GAD1: variants seen among roughly 807,000 people sequenced by gnomAD.
GAD1 encodes glutamate decarboxylase 1.
GAD1 carries 35 observed loss-of-function variants against 75.2 expected under a neutral mutation model. The observed-to-expected ratio is 0.47, with a 90% confidence interval of 0.36 to 0.62. The LOEUF (loss-of-function observed/expected upper bound fraction) is 0.62, where lower values mean the gene tolerates loss of function less well. Ranked by LOEUF, GAD1 falls within the 20% of genes least tolerant of loss-of-function variation. The pLI is 0.00. For missense variants in GAD1, 490 were observed against 758.5 expected (o/e 0.65, Z 4.16); for synonymous variants, 257 against 271.9 (o/e 0.95, Z 0.54).
intron 3 of GAD1, among the ~76,000 whole-genome samples, chr2:170,823,627 TA>T (rs1402118128): frequency 6.6e-6 from 1 of 151,946 alleles, no homozygotes; most frequent in Non-Finnish European, 1.5e-5. Flanking sequence ...CTTTGTTCTA[TA>T]AATAGCCCCG....
At chr2:170,831,233 C>A (rs1419591190) in intron 5 of GAD1, 41 bp downstream of exon 5, 1 of 1,607,788 alleles carries the variant, frequency 6.2e-7, no homozygotes, top group South Asian at 1.1e-5. Context: ...GGCAACTTTG[C>A]CCTCCATCTC....
intron 3 of GAD1, among the ~76,000 whole-genome samples, chr2:170,824,948 G>GTGTGTA (rs1553574269): frequency 6.6e-6 from 1 of 150,928 alleles, no homozygotes; most frequent in Non-Finnish European, 1.5e-5. Context: ...GTGTGTGTGT[G>GTGTGTA]TGTATGTATG....
chr2:170,841,373 C>T (rs1201873498), intron 6 of GAD1, among the ~76,000 whole-genome samples: 3 of 152,018 alleles, frequency 2.0e-5, no homozygotes, highest in Non-Finnish European at 4.4e-5. Flanking sequence ...CTACAGATTT[C>T]CTAGGATTCC....
At position 170,845,528 on chromosome 2, in the gene GAD1, C is replaced by G. The variant is rs774967412; in HGVS notation, c.774C>G (p.Tyr258Ter). The change falls in exon 8 of 17, where the codon TAC becomes TAG. Residue 258 changes from tyrosine to a stop codon, truncating the protein, a stop_gained. Coordinates refer to ENST00000358196, the MANE Select transcript of GAD1 (RefSeq NM_000817.3). LOFTEE classifies it high-confidence loss of function. ...CAGGGGGCGCCATATCCAACATGTA[C>G]AGCATCATGGCTGCTCGCTACAAGT... ...FSPGGAISNM[Y>*]SIMAARYKYF... is the part of the protein sequence containing the mutation. 1.2e-6 allele frequency: 2 copies of G among 1,613,884 alleles called. No individual in the cohort carries two copies.
chr2:170,856,590 G>T (rs2105813051), intron 14 of GAD1, among the ~76,000 whole-genome samples: 1 of 152,266 alleles, frequency 6.6e-6, no homozygotes, highest in South Asian at 2.1e-4. Context: ...AACATACAAA[G>T]AACAAGCCAC....
chr2:170,821,066 G>C (rs746099839), intron 2 of GAD1, among the ~76,000 whole-genome samples: 2 of 152,194 alleles, frequency 1.3e-5, no homozygotes, highest in Non-Finnish European at 2.9e-5. Flanking sequence ...TTGTGCCTCA[G>C]GTTTAATGGA....
intron 14 of GAD1, among the ~76,000 whole-genome samples, chr2:170,855,774 G>A (rs756197832): frequency 2.0e-5 from 3 of 149,718 alleles, no homozygotes; most frequent in Non-Finnish European, 4.4e-5. Context: ...TTAGGAGGCT[G>A]AGGTGGGAGG....
intron 5 of GAD1, among the ~76,000 whole-genome samples, chr2:170,832,660 GCGCGCACACACACACACA>G (rs1038764523): frequency 8.8e-5 from 7 of 79,476 alleles, no homozygotes; most frequent in South Asian, 3.3e-4. Flanking sequence ...ATGCGCGCGC[GCGCGCACACACACACACA>G]CACACACACA....
At chr2:170,828,179 C>A (rs1248740064) in intron 3 of GAD1, among the ~76,000 whole-genome samples, 4 of 77,856 alleles carry the variant, frequency 5.1e-5, no homozygotes, top group Admixed American at 1.2e-4. Flanking sequence ...TCGCCCTCCT[C>A]TCTCTGCTGT....
Position 170,818,539 on chromosome 2 carries a change from C to T in GAD1, c.-53C>T. ...CGCTTCTCTTTGCAGCCTGTTTCTG[C>T]GCCGGACCAGTCGAGGACTCTGGAC... On this transcript the variant is annotated 5_prime_UTR_variant, in exon 2 of 17. Transcript: ENST00000358196. This position sits in a 1 kb window ranked among gnomAD's most constrained non-coding sequence, Gnocchi z 5.9. The T allele has an allele frequency of 1.3e-6, 2 of 1,520,484 alleles. No individual in the cohort carries two copies. The highest frequency in any genetic ancestry group is 1.1e-5 in the South Asian group (1 of 89,240). The allele number at this position is 1,520,484 out of a possible 1,614,324, so 94.2% of individuals were successfully genotyped here.
intron 5 of GAD1, among the ~76,000 whole-genome samples, chr2:170,835,991 A>G (rs1370658183): frequency 2.6e-5 from 4 of 152,230 alleles, no homozygotes; most frequent in Non-Finnish European, 5.9e-5. Context: ...ATCTTCTGAT[A>G]TGAGAAGTCA....
chr2:170,827,555 G>A (rs988007591), intron 3 of GAD1, among the ~76,000 whole-genome samples: 2 of 152,194 alleles, frequency 1.3e-5, no homozygotes, highest in African/African-American at 2.4e-5. Flanking sequence ...CTCTTTCCCC[G>A]TTTGCTGCCG....
At chr2:170,831,396 A>T (rs529835605) in intron 5 of GAD1, among the ~76,000 whole-genome samples, 1 of 152,142 alleles carries the variant, frequency 6.6e-6, no homozygotes, top group Non-Finnish European at 1.5e-5. Flanking sequence ...TCATCAGCAT[A>T]TATCATGGTA....
Position 170,818,214 on chromosome 2 carries a change from T to C in GAD1, c.-63-315T>C. 1 of 323,456 alleles carries C rather than the reference T, an allele frequency of 3.1e-6. No individual in the cohort carries two copies. The highest frequency in any genetic ancestry group is 2.9e-5 in the South Asian group (1 of 34,094). 20.0% of individuals were successfully genotyped at this position (323,456 alleles called of 1,614,324 possible). A position where few individuals can be genotyped will look rare whatever the true frequency, so the allele number is the denominator to read the frequency against. On this transcript the variant is annotated intron_variant, in intron 1 of 16. Coordinates refer to ENST00000358196, the MANE Select transcript of GAD1 (RefSeq NM_000817.3). The surrounding 1 kb of genome is among the most constrained non-coding windows in gnomAD (Gnocchi z 5.9). Reference sequence around the variant, plus strand: ...TCCCCCACACCCTTGCGTCTTGTACTGGCCTTGGACCCCCACCCCGACCCC... The same window carrying C: ...TCCCCCACACCCTTGCGTCTTGTACCGGCCTTGGACCCCCACCCCGACCCC...
chr2:170,859,380 G>A (rs1422984299), intron 16 of GAD1, among the ~76,000 whole-genome samples: 1 of 152,166 alleles, frequency 6.6e-6, no homozygotes, highest in Non-Finnish European at 1.5e-5. Flanking sequence ...CACAGTCTGT[G>A]TGCCAGGCAG....
rs755233233 is a variant in GAD1 at position 170,845,493 on chromosome 2, C to T, written c.752-13C>T. The T allele has an allele frequency of 2.1e-5, 34 of 1,608,166 alleles. No individual in the cohort carries two copies. In the African/African-American group the frequency reaches 3.6e-4, roughly 17 times the overall value. On this transcript the variant is annotated splice_polypyrimidine_tract_variant and intron_variant, in intron 7 of 16. Transcript: ENST00000358196. ...GAGCCCCAACACCTCCCAATATGTC[C>T]GCTTGCTGACAGGGGGCGCCATATC...
At chr2:170,831,570 C>T (rs1344563542) in intron 5 of GAD1, among the ~76,000 whole-genome samples, 1 of 142,392 alleles carries the variant, frequency 7.0e-6, no homozygotes, top group Non-Finnish European at 1.5e-5. Flanking sequence ...GCCTGGGCAA[C>T]ATGGCGAAAC....
At chr2:170,858,704 T>C (rs1702901895) in intron 15 of GAD1, 100 bp from the exon 16 acceptor site, 1 of 1,008,336 alleles carries the variant, frequency 9.9e-7, no homozygotes, top group African/African-American at 1.6e-5. Context: ...ACCTCTTTCT[T>C]TGGTCCAAGA....
At chr2:170,819,353 G>A (rs1388581840) in intron 2 of GAD1, among the ~76,000 whole-genome samples, 1 of 151,988 alleles carries the variant, frequency 6.6e-6, no homozygotes. Context: ...AAGAGATGGG[G>A]AACTGGGAGG....
Sources: gnomAD v4.1 joint callset for allele counts (sites outside exome capture counted in the v4.1 genomes callset) on GRCh38, gnomAD v4.1.1 for gene constraint, Gnocchi (gnomAD v3.1) non-coding constraint, MANE v1.5 for transcripts, NCBI Gene and HGNC (gene_info 2026-07-23, HGNC 2026-07-21) for gene names.